LRRIQ1: variants seen among roughly 807,000 people sequenced by gnomAD.
LRRIQ1 encodes the protein leucine-rich repeat- and IQ domain-containing protein 1.
Under a neutral mutation model 211.9 loss-of-function variants are expected in LRRIQ1, and 210 were observed. The ratio of observed to expected loss-of-function variants is 0.99; its 90% confidence interval spans 0.89 to 1.11. The LOEUF (loss-of-function observed/expected upper bound fraction) is 1.11, where lower values mean the gene tolerates loss of function less well. Ranked by LOEUF, LRRIQ1 falls within the 50% of genes most tolerant of loss-of-function variation. LRRIQ1 has a pLI of 0.00. For synonymous variants in LRRIQ1, 699 were observed against 650.1 expected (o/e 1.08, Z -1.14); for missense variants, 2,136 against 1,939.5 (o/e 1.10, Z -1.90).
chr12:85,127,986 A>G lies in LRRIQ1; in HGVS notation c.4162A>G (p.Ile1388Val), dbSNP rs1283825943. The G allele has an allele frequency of 1.2e-6, 2 of 1,613,552 alleles. No homozygotes were observed. Among genetic ancestry groups the G allele is most frequent in the African/African-American group, 1.3e-5 (1 of 74,920 alleles). Residue 1388 changes from isoleucine (I) to valine (V), a missense_variant, in exon 18 of 27, where the codon ATT (isoleucine) becomes GTT (valine). Transcript: ENST00000393217. ...TTTAAAGAAAGGAAAAAGAGAAAAT[A>G]TTGTGAATATCCGAAAACAGAGGGA... is the stretch of plus-strand genomic sequence containing the variant. ...TILKKGKREN[I>V]VNIRKQREKA...
chr12:85,220,900 C>G (rs112151149), intron 24 of LRRIQ1, among the ~76,000 whole-genome samples: 1 of 151,302 alleles, frequency 6.6e-6, no homozygotes, highest in Non-Finnish European at 1.5e-5. Flanking sequence ...CCCCTCCCCC[C>G]AGGTTCAAGC....
At chr12:85,157,670 G>A (rs1890628547) in intron 23 of LRRIQ1, among the ~76,000 whole-genome samples, 1 of 151,816 alleles carries the variant, frequency 6.6e-6, no homozygotes, top group Non-Finnish European at 1.5e-5. Context: ...TCACAACACT[G>A]AGTGTAATTG....
chr12:85,116,440 G>A (rs1361921995), intron 15 of LRRIQ1, among the ~76,000 whole-genome samples: 1 of 152,096 alleles, frequency 6.6e-6, no homozygotes, highest in Non-Finnish European at 1.5e-5. Context: ...CACCGGGCAC[G>A]GCCGGGTTCT....
chr12:85,142,699 C>T (rs1889625948), intron 19 of LRRIQ1, among the ~76,000 whole-genome samples: 1 of 151,528 alleles, frequency 6.6e-6, no homozygotes, highest in African/African-American at 2.4e-5. Flanking sequence ...TTTGGATTCC[C>T]TGTCTGAGTG....
chr12:85,189,017 C>A (rs1388606122), intron 24 of LRRIQ1, among the ~76,000 whole-genome samples: 1 of 152,038 alleles, frequency 6.6e-6, no homozygotes, highest in Non-Finnish European at 1.5e-5. Context: ...ATAGAGACTG[C>A]ACAAGGTGGA....
intron 11 of LRRIQ1, among the ~76,000 whole-genome samples, chr12:85,081,307 T>C (rs1884257816): frequency 6.6e-6 from 1 of 152,164 alleles, no homozygotes; most frequent in African/African-American, 2.4e-5. Context: ...TGAGCAGATA[T>C]GTTTATATAA....
intron 1 of LRRIQ1, among the ~76,000 whole-genome samples, chr12:85,258,186 A>T (rs192831357): frequency 1.2e-3 from 181 of 151,788 alleles, no homozygotes; most frequent in African/African-American, 3.7e-3. Flanking sequence ...GTTTTTTTTT[A>T]AAACATTTTG....
intron 18 of LRRIQ1, among the ~76,000 whole-genome samples, chr12:85,131,616 T>G (rs1888768043): frequency 6.6e-6 from 1 of 152,148 alleles, no homozygotes; most frequent in African/African-American, 2.4e-5. Flanking sequence ...GTCACTAGAA[T>G]GGTAGTAAGC....
chr12:85,137,835 T>A lies in LRRIQ1; in HGVS notation c.4210-15T>A, dbSNP rs1206162756. ...ATCTATAACTTTGTATAACATACTT[T>A]ACATTTTTGTTTAGGCAGTTTGGAA... is the stretch of plus-strand genomic sequence containing the variant. On this transcript the variant is annotated splice_polypyrimidine_tract_variant and intron_variant, in intron 18 of 26. Transcript: ENST00000393217. 1.9e-6 allele frequency: 3 copies of A among 1,573,434 alleles called. No individual in the cohort carries two copies. Among genetic ancestry groups the A allele is most frequent in the Non-Finnish European group, 1.7e-6 (2 of 1,164,960 alleles).
chr12:85,264,470 CTG>C (rs1413007850), downstream of LRRIQ1: 1 of 151,918 alleles, frequency 6.6e-6, no homozygotes, highest in Non-Finnish European at 1.5e-5. Flanking sequence ...TGGTGTGAAA[CTG>C]GAAGTTTTTT....
At chr12:85,154,239 AACTT>A (rs548060434) in intron 23 of LRRIQ1, 145 bp downstream of exon 23, 14 of 388,860 alleles carry the variant, frequency 3.6e-5, no homozygotes, top group Non-Finnish European at 5.8e-5. Context: ...AAAAAAATAA[AACTT>A]AAGAGAAAAT....
At chr12:85,041,516 A>G (rs1005946024) in intron 3 of LRRIQ1, among the ~76,000 whole-genome samples, 1 of 151,534 alleles carries the variant, frequency 6.6e-6, no homozygotes, top group Admixed American at 6.6e-5. Context: ...TGTAAAGCTG[A>G]GCCACATGGT....
intron 1 of LRRIQ1, among the ~76,000 whole-genome samples, chr12:85,261,450 A>G (rs1344083919): frequency 2.6e-5 from 4 of 152,062 alleles, no homozygotes; most frequent in African/African-American, 9.7e-5. Context: ...TTACAGACCA[A>G]TTTCCTCAAA....
chr12:85,088,427 G>A (rs1885055349), intron 11 of LRRIQ1, among the ~76,000 whole-genome samples: 2 of 152,028 alleles, frequency 1.3e-5, no homozygotes, highest in African/African-American at 4.8e-5. Context: ...TTGGCAATGT[G>A]GGCTCTTTTT....
At position 85,098,882 on chromosome 12, in the gene LRRIQ1, A is replaced by C. The variant is rs760671311; in HGVS notation, c.3097A>C (p.Asn1033His). 2 of 1,556,974 alleles carry C rather than the reference A, an allele frequency of 1.3e-6. No homozygotes were observed. Among genetic ancestry groups the C allele is most frequent in the African/African-American group, 2.8e-5 (2 of 72,388 alleles). ...TTAAATATAGCTTCCATCCTTGGAG[A>C]ATCTTGTTTTACTAAGAGAATTGCA... ...NYLSELPSLE[N>H]LVLLRELHLD... Residue 1033 changes from asparagine (N) to histidine (H), a missense_variant, in exon 13 of 27, where the codon AAT becomes CAT. Coordinates refer to ENST00000393217, the MANE Select transcript of LRRIQ1 (RefSeq NM_001079910.2).
chr12:85,086,358 C>A (rs1884815476), intron 11 of LRRIQ1, among the ~76,000 whole-genome samples: 1 of 151,990 alleles, frequency 6.6e-6, no homozygotes, highest in African/African-American at 2.4e-5. Context: ...ATGGTGTTGT[C>A]TTCTGGATAC....
At chr12:85,265,028 A>G (rs910225448), downstream of LRRIQ1, among the ~76,000 whole-genome samples, 1 of 152,060 alleles carries the variant, frequency 6.6e-6, no homozygotes, top group Non-Finnish European at 1.5e-5. Flanking sequence ...TTTTGATGAG[A>G]ATCAACTACG....
Position 85,127,838 on chromosome 12 carries a change from AG to A in LRRIQ1, c.4015del (p.Ala1339LeufsTer3), listed in dbSNP as rs1888478076. ...TTTTTTCTCCTCTTAATAGTATGGC[AG>A]CTGTGGTAATCCAGTCATACTGGCG... ...NIEPSEKIMA[A>X]VVIQSYWRGY... On this transcript the variant is annotated frameshift_variant, in exon 18 of 27. Transcript: ENST00000393217. LOFTEE classifies it high-confidence loss of function. 1 of 1,613,804 alleles carries A rather than the reference AG, an allele frequency of 6.2e-7. No homozygotes were observed. The highest frequency in any genetic ancestry group is 2.2e-5 in the East Asian group (1 of 44,876).
Position 85,134,921 on chromosome 12 carries a change from T to C in LRRIQ1, c.4210-2929T>C, listed in dbSNP as rs543573001. Among the ~76,000 whole-genome samples, 4 of 152,146 alleles carry C rather than the reference T, an allele frequency of 2.6e-5. No individual in the cohort carries two copies. In the South Asian group the frequency reaches 8.3e-4, roughly 31 times the overall value. ...TGAAATAAATTATTCCTTTCATAAA[T>C]ATTTTAGCATGAACTTCTATAATTC... On this transcript the variant is annotated intron_variant, in intron 18 of 26. Transcript: ENST00000393217.
Sources: gnomAD v4.1 joint callset for allele counts (sites outside exome capture counted in the v4.1 genomes callset) on GRCh38, gnomAD v4.1.1 for gene constraint, MANE v1.5 for transcripts, NCBI Gene and HGNC (gene_info 2026-07-23, HGNC 2026-07-21) for gene names.